Variants in POLA1 observed in about 807,000 individuals in gnomAD.
The protein encoded by POLA1 is DNA polymerase alpha 1, catalytic subunit.
In POLA1, 15 loss-of-function variants were observed where a neutral mutation model predicts 124.0. The ratio of observed to expected loss-of-function variants is 0.12; its 90% CI spans 0.08 to 0.19. POLA1 has a LOEUF of 0.19. Ranked by LOEUF, POLA1 falls within the 10% of genes least tolerant of loss-of-function variation. The probability of loss-of-function intolerance (pLI) is 1.00; values close to 1 mark genes in which losing one functional copy is unlikely to be tolerated. For synonymous variants in POLA1, 408 were observed against 389.4 expected, an observed-to-expected ratio of 1.05 and a Z score of -0.56; for missense variants, 886 against 1,103.4, an observed-to-expected ratio of 0.80 and a Z score of 2.79.
intron 29 of POLA1, 123 bp from the exon 30 acceptor site, chrX:24,814,856 C>T: frequency 3.2e-6 from 2 of 618,738 alleles, no homozygotes; most frequent in East Asian, 3.8e-5. Context: ...TTAGCTCTTA[C>T]TGTAGCTAAT....
chrX:24,968,848 G>A (rs962332117), intron 36 of POLA1, among the ~76,000 whole-genome samples: 2 of 111,350 alleles, frequency 1.8e-5, no homozygotes, highest in African/African-American at 6.5e-5. Context: ...CATTAAACAT[G>A]TATTAAACAT....
At chrX:24,946,695 A>G (rs1449568180) in intron 36 of POLA1, among the ~76,000 whole-genome samples, 1 of 111,747 alleles carries the variant, frequency 8.9e-6, no homozygotes, top group East Asian at 2.8e-4. Context: ...GTTCTTAAGC[A>G]CTGTCCCTCT....
chrX:24,832,378 G>C (rs764789364), intron 32 of POLA1, among the ~76,000 whole-genome samples: 5 of 111,829 alleles, frequency 4.5e-5, no homozygotes, highest in Non-Finnish European at 9.4e-5. Context: ...CACACAGTGG[G>C]TTGCTTCTGT....
chrX:24,963,617 A>G (rs934111588), intron 36 of POLA1, among the ~76,000 whole-genome samples: 3 of 111,999 alleles, frequency 2.7e-5, no homozygotes, highest in Non-Finnish European at 5.6e-5. Flanking sequence ...TGTCCTTTAA[A>G]GAGTAAGTAT....
At chrX:24,788,282 G>T in intron 26 of POLA1, 2 of 836,814 alleles carry the variant, frequency 2.4e-6, no homozygotes, top group Non-Finnish European at 3.2e-6. Context: ...AAAGCAGAAA[G>T]CTTTTCATCT....
chrX:24,746,522 A>C (rs756228664), intron 24 of POLA1, among the ~76,000 whole-genome samples: 1 of 112,126 alleles, frequency 8.9e-6, no homozygotes, highest in African/African-American at 3.2e-5. Flanking sequence ...AAGAAATACT[A>C]TACATGTAGC....
chrX:24,884,197 G>A (rs1004243908), intron 34 of POLA1, among the ~76,000 whole-genome samples: 3 of 111,095 alleles, frequency 2.7e-5, no homozygotes, highest in African/African-American at 9.8e-5. Flanking sequence ...CACCCTGGCT[G>A]GAGTGCTGTG....
chrX:24,926,211 A>T (rs1292218193), intron 35 of POLA1, among the ~76,000 whole-genome samples: 2 of 110,407 alleles, frequency 1.8e-5, no homozygotes, highest in Non-Finnish European at 3.8e-5. Context: ...GTCTCACAAT[A>T]AATAAAATAA....
intron 36 of POLA1, among the ~76,000 whole-genome samples, chrX:24,984,792 T>TGGG (rs1301838378): frequency 1.9e-5 from 2 of 107,985 alleles, no homozygotes; most frequent in Non-Finnish European, 3.8e-5. Context: ...CCCGAGGAGC[T>TGGG]GGGACTACAG....
chrX:24,878,823 T>C (rs1044322375), intron 34 of POLA1, among the ~76,000 whole-genome samples: 1 of 110,894 alleles, frequency 9.0e-6, no homozygotes, highest in Non-Finnish European at 1.9e-5. Flanking sequence ...AAAATTTATC[T>C]TGGCAGCAAG....
intron 32 of POLA1, among the ~76,000 whole-genome samples, chrX:24,840,437 ACT>A (rs1305214313): frequency 9.0e-6 from 1 of 111,680 alleles, no homozygotes; most frequent in Non-Finnish European, 1.9e-5. Context: ...GAAAAGTGAG[ACT>A]CTGTGTCTCA....
intron 36 of POLA1, among the ~76,000 whole-genome samples, chrX:24,953,870 C>T (rs2048075076): frequency 8.9e-6 from 1 of 112,078 alleles, no homozygotes; most frequent in Non-Finnish European, 1.9e-5. Context: ...AGCATCACAA[C>T]TTTCAAAGGT....
chrX:24,699,934 G>T (rs1928297401), intron 2 of POLA1, among the ~76,000 whole-genome samples: 1 of 104,117 alleles, frequency 9.6e-6, no homozygotes, highest in African/African-American at 3.5e-5. Flanking sequence ...GGAGAGAACT[G>T]TTCTTCCTAA....
intron 26 of POLA1, among the ~76,000 whole-genome samples, chrX:24,759,175 CAAGG>C (rs1300846941): frequency 8.9e-6 from 1 of 112,103 alleles, no homozygotes; most frequent in Non-Finnish European, 1.9e-5. Context: ...CTTCTTTCAT[CAAGG>C]AAGATGGAAT....
intron 26 of POLA1, among the ~76,000 whole-genome samples, chrX:24,806,554 A>G (rs1173172757): frequency 9.0e-6 from 1 of 111,398 alleles, no homozygotes; most frequent in Admixed American, 9.5e-5. Flanking sequence ...AGAGTTGACA[A>G]ACTGTGGTGA....
At chrX:24,789,811 A>T (rs1268282997) in intron 26 of POLA1, among the ~76,000 whole-genome samples, 1 of 112,277 alleles carries the variant, frequency 8.9e-6, no homozygotes, top group Non-Finnish European at 1.9e-5. Flanking sequence ...TAAGGAATAA[A>T]ATATAATTCA....
At chrX:24,769,670 G>GA (rs2044985876) in intron 26 of POLA1, among the ~76,000 whole-genome samples, 1 of 111,509 alleles carries the variant, frequency 9.0e-6, no homozygotes, top group Admixed American at 9.5e-5. Flanking sequence ...GAGGGAAGGG[G>GA]ACTTGAAGGG....
intron 1 of POLA1, among the ~76,000 whole-genome samples, chrX:24,696,019 T>C (rs906756753): frequency 1.8e-5 from 2 of 112,648 alleles, no homozygotes; most frequent in African/African-American, 6.4e-5. Context: ...TTAGGTATGG[T>C]GTGTGTGGGG....
chrX:24,713,702 A>G (rs1273834524), intron 4 of POLA1, among the ~76,000 whole-genome samples: 1 of 112,541 alleles, frequency 8.9e-6, no homozygotes, highest in Non-Finnish European at 1.9e-5. Context: ...GGCGTGAGCC[A>G]CCGCACCCGG....
Sources: gnomAD v4.1 joint callset for allele counts (sites outside exome capture counted in the v4.1 genomes callset) on GRCh38, gnomAD v4.1.1 for gene constraint, MANE v1.5 for transcripts, NCBI Gene and HGNC (gene_info 2026-07-23, HGNC 2026-07-21) for gene names.